Variants in F7 observed in about 807,000 individuals in gnomAD.
The protein encoded by F7 is FVII coagulation protein.
Under a neutral mutation model 47.5 loss-of-function variants are expected in F7, and 38 were observed. The observed-to-expected ratio is 0.80, with a 90% CI of 0.62 to 1.05. F7 has a LOEUF of 1.05. Among genes scored for constraint, F7 ranks in the 50% least tolerant of loss-of-function variants. F7 has a pLI of 0.00. For synonymous variants in F7, 244 were observed against 258.5 expected, an observed-to-expected ratio of 0.94 and a Z score of 0.54; for missense variants, 575 against 605.4, an observed-to-expected ratio of 0.95 and a Z score of 0.53.
At chr13:113,110,980 C>A in intron 2 of F7, 130 bp downstream of exon 2, 4 of 1,111,176 alleles carry the variant, frequency 3.6e-6, no homozygotes, top group Non-Finnish European at 4.9e-6. Context: ...CCGCGCGGCG[C>A]TTTCTGCGGG....
chr13:113,108,503 A>T (rs1481250476), intron 1 of F7, among the ~76,000 whole-genome samples: 1 of 8,326 alleles, frequency 1.2e-4, no homozygotes, highest in Non-Finnish European at 2.1e-4. Context: ...CCCGGAGGCG[A>T]GGGTGTCCCG....
Position 113,118,597 on chromosome 13 carries a change from G to T in F7, c.924G>T (p.Glu308Asp). Residue 308 changes from glutamate to aspartate, a missense_variant, in exon 8 of 8, where the codon GAG (glutamate) becomes GAT (aspartate). Coordinates refer to ENST00000346342, the MANE Select transcript of F7 (RefSeq NM_019616.4). Reference sequence around the variant, plus strand: ...GCCTGCCCGAACGGACGTTCTCTGAGAGGACGCTGGCCTTCGTGCGCTTCT... The same window carrying T: ...GCCTGCCCGAACGGACGTTCTCTGATAGGACGCTGGCCTTCGTGCGCTTCT... ...PLCLPERTFS[E>D]RTLAFVRFSL... 2 of 1,612,896 alleles carry T rather than the reference G, an allele frequency of 1.2e-6. No individual in the cohort carries two copies. The highest frequency in any genetic ancestry group is 1.7e-6 in the Non-Finnish European group (2 of 1,179,926).
intron 7 of F7, 67 bp downstream of exon 7, chr13:113,117,663 G>A (rs1401490245): frequency 3.2e-6 from 5 of 1,545,676 alleles, no homozygotes; most frequent in South Asian, 2.4e-5. Context: ...GTCCGACCGC[G>A]GTGCTGGGTG....
intron 4 of F7, 149 bp downstream of exon 4, chr13:113,114,109 T>C (rs1566908260): frequency 1.2e-6 from 1 of 808,896 alleles, no homozygotes; most frequent in Non-Finnish European, 2.0e-6. Context: ...TTGGTCTAGG[T>C]GACCTTGAAA....
At position 113,115,646 on chromosome 13, in the gene F7, C is replaced by T. The variant is rs757087734; in HGVS notation, c.365-14C>T. The T allele has an allele frequency of 3.7e-6, 6 of 1,611,830 alleles. No individual in the cohort carries two copies. The highest frequency in any genetic ancestry group is 5.1e-6 in the Non-Finnish European group (6 of 1,179,546). On this transcript the variant is annotated splice_polypyrimidine_tract_variant and intron_variant, in intron 4 of 7. Transcript: ENST00000346342. The stretch of plus-strand genomic sequence containing the variant: ...CCAGAAGCCCCTCTCAGGGTGTCCC[C>T]TTCCTGTCCCCAGACAAGGATGACC...
In F7 at chr13:113,110,777, T is replaced by TG. The variant is rs1168560365; in HGVS notation, c.154dup (p.Glu52GlyfsTer33). ...CTGGAGGAGCTGCGGCCGGGCTCCCTGGAGAGGGAGTGCAAGGAGGAGCAG... is the reference window on the plus strand; with the variant it reads ...CTGGAGGAGCTGCGGCCGGGCTCCCTGGGAGAGGGAGTGCAAGGAGGAGCAG... On this transcript the variant is annotated frameshift_variant, in exon 2 of 8. Transcript: ENST00000346342. LOFTEE classifies it high-confidence loss of function. 4 of 1,551,080 alleles carry TG rather than the reference T, an allele frequency of 2.6e-6. No homozygotes were observed. Among genetic ancestry groups the TG allele is most frequent in the Non-Finnish European group, 3.5e-6 (4 of 1,147,780 alleles).
intron 1 of F7, among the ~76,000 whole-genome samples, chr13:113,108,888 G>A (rs1450520198): frequency 1.7e-5 from 1 of 59,834 alleles, no homozygotes; most frequent in African/African-American, 6.5e-5. Context: ...AGGGTGTCCC[G>A]GGAGTGTGGG....
intron 7 of F7, 141 bp downstream of exon 7, chr13:113,117,737 G>A (rs934469164): frequency 4.2e-5 from 64 of 1,509,242 alleles, no homozygotes; most frequent in East Asian, 9.2e-5. Flanking sequence ...GTCCGACCGC[G>A]GTGCTGGGTG....
At chr13:113,106,400 G>T (rs1192810370) in intron 1 of F7, among the ~76,000 whole-genome samples, 1 of 9,498 alleles carries the variant, frequency 1.1e-4, no homozygotes, top group Non-Finnish European at 2.6e-4. Context: ...ATGGGCCGTG[G>T]GGGGGTGGGG....
rs1299591099 is a variant in F7, at chr13:113,117,456, C to G, written c.616-17C>G. 6.2e-7 allele frequency: 1 copy of G among 1,613,540 alleles called. No homozygotes were observed. On this transcript the variant is annotated splice_polypyrimidine_tract_variant and intron_variant, in intron 6 of 7. Coordinates refer to ENST00000346342, the MANE Select transcript of F7 (RefSeq NM_019616.4). ...TGACAGCAATGTGACTTCCACACCT[C>G]CTGTCCCCCCGCCCAGGTCCTGTTG... is the stretch of plus-strand genomic sequence containing the variant.
intron 1 of F7, among the ~76,000 whole-genome samples, chr13:113,107,208 G>A (rs184609064): frequency 3.9e-5 from 6 of 152,098 alleles, no homozygotes; most frequent in African/African-American, 9.7e-5. Context: ...ACCCCAGGGC[G>A]GTCACCGGCT....
At chr13:113,106,983 G>A (rs1436984806) in intron 1 of F7, 6 of 1,514,040 alleles carry the variant, frequency 4.0e-6, no homozygotes, top group Non-Finnish European at 5.4e-6. Context: ...CCCTCCCATG[G>A]CAAAGAGCCA....
In F7 at chr13:113,119,285, A is replaced by G. The variant is rs553717960; in HGVS notation, c.*277A>G. 28 of 501,990 alleles carry G rather than the reference A, an allele frequency of 5.6e-5. No individual in the cohort carries two copies. Among genetic ancestry groups the G allele is most frequent in the Admixed American group, 1.8e-4 (5 of 28,492 alleles). The allele number at this position is 501,990 out of a possible 1,614,324, so 31.1% of individuals were successfully genotyped here. On this transcript the variant is annotated 3_prime_UTR_variant, in exon 8 of 8. Transcript: ENST00000346342. ...AATAGAAAAGATGAGAGGCAGAGGC[A>G]GACAGGCGCTGGACAGAGGGGCAGG...
Position 113,119,270 on chromosome 13 carries a change from A to C in F7, c.*262A>C. The C allele has an allele frequency of 1.9e-6, 1 of 520,348 alleles. No individual in the cohort carries two copies. The highest frequency in any genetic ancestry group is 3.4e-6 in the Non-Finnish European group (1 of 291,806). 32.2% of individuals were successfully genotyped at this position (520,348 alleles called of 1,614,324 possible). On this transcript the variant is annotated 3_prime_UTR_variant, in exon 8 of 8. Coordinates refer to ENST00000346342, the MANE Select transcript of F7 (RefSeq NM_019616.4). The stretch of plus-strand genomic sequence containing the variant: ...GAGACACAGAGATGGAATAGAAAAG[A>C]TGAGAGGCAGAGGCAGACAGGCGCT...
intron 4 of F7, 112 bp downstream of exon 4, chr13:113,114,072 C>T (rs1215063759): frequency 1.8e-6 from 2 of 1,121,988 alleles, no homozygotes; most frequent in Admixed American, 3.9e-5. Context: ...GTAGGCCGGG[C>T]ATTCAGGGCT....
chr13:113,113,906 C>A lies in F7; in HGVS notation c.310C>A (p.Gln104Lys). 6.2e-7 allele frequency: 1 copy of A among 1,614,188 alleles called. No homozygotes were observed. The highest frequency in any genetic ancestry group is 8.5e-7 in the Non-Finnish European group (1 of 1,180,042). Reference sequence around the variant, plus strand: ...TGGGGGCTCCTGCAAGGACCAGCTCCAGTCCTATATCTGCTTCTGCCTCCC... The same window carrying A: ...TGGGGGCTCCTGCAAGGACCAGCTCAAGTCCTATATCTGCTTCTGCCTCCC... ...QNGGSCKDQL[Q>K]SYICFCLPAF... Residue 104 changes from glutamine (Q) to lysine (K), a missense_variant, in exon 4 of 8, where the codon CAG becomes AAG. Coordinates refer to ENST00000346342, the MANE Select transcript of F7 (RefSeq NM_019616.4). The surrounding 1 kb of genome is among the most constrained non-coding windows in gnomAD (Gnocchi z 4.1).
rs1168163168 is a variant in F7 at position 113,113,310 on chromosome 13, G to A, written c.226-442G>A. ...GTTGTATTCTCACAGCACCCCGTGA[G>A]TTTAAGTTCAGGTGGCCAACAGTTT... is the stretch of plus-strand genomic sequence containing the variant. On this transcript the variant is annotated intron_variant, in intron 2 of 7. Coordinates refer to ENST00000346342, the MANE Select transcript of F7 (RefSeq NM_019616.4). This position sits in a 1 kb window ranked among gnomAD's most constrained non-coding sequence, Gnocchi z 4.1. Among the ~76,000 whole-genome samples, 1 of 152,248 alleles carries A rather than the reference G, an allele frequency of 6.6e-6. No homozygotes were observed. The highest frequency in any genetic ancestry group is 1.5e-5 in the Non-Finnish European group (1 of 68,042).
intron 1 of F7, 137 bp downstream of exon 1, chr13:113,106,042 T>C: frequency 1.5e-6 from 1 of 675,882 alleles, no homozygotes; most frequent in Non-Finnish European, 2.4e-6. Context: ...CGGCTCCTGT[T>C]CAATTTCTTT....
Position 113,113,779 on chromosome 13 carries a change from G to A in F7, c.250+3G>A. ...GCTGTTCTGGATTTCTTACAGTGGT[G>A]AGTGGATGATCACCACCAGTCCTGC... On this transcript the variant is annotated splice_donor_region_variant and intron_variant, in intron 3 of 7. Coordinates refer to ENST00000346342, the MANE Select transcript of F7 (RefSeq NM_019616.4). The surrounding 1 kb of genome is among the most constrained non-coding windows in gnomAD (Gnocchi z 4.1). 1 of 1,614,174 alleles carries A rather than the reference G, an allele frequency of 6.2e-7. No homozygotes were observed. The highest frequency in any genetic ancestry group is 8.5e-7 in the Non-Finnish European group (1 of 1,180,036).
Sources: allele counts gnomAD v4.1 joint callset (sites outside exome capture counted in the v4.1 genomes callset), GRCh38; gene constraint gnomAD v4.1.1; non-coding constraint Gnocchi (gnomAD v3.1); transcripts MANE v1.5; gene names NCBI Gene and HGNC (gene_info 2026-07-23, HGNC 2026-07-21).